The following NAALADL2 variants were observed in gnomAD, a reference collection of about 807,000 sequenced individuals.
NAALADL2 encodes N-acetylated alpha-linked acidic dipeptidase like 2.
A neutral mutation model predicts 87.2 loss-of-function variants in NAALADL2; 76 were observed. The ratio of observed to expected loss-of-function variants is 0.87; its 90% CI spans 0.72 to 1.05. NAALADL2 has a LOEUF of 1.05. Among genes scored for constraint, NAALADL2 ranks in the 50% least tolerant of loss-of-function variants. The pLI is 0.00. For synonymous variants in NAALADL2, 354 were observed against 331.0 expected (o/e 1.07, Z -0.75); for missense variants, 1,089 against 945.8 (o/e 1.15, Z -1.99).
chr3:174,771,105 T>C (rs928241407), intron 3 of NAALADL2, among the ~76,000 whole-genome samples: 1 of 152,210 alleles, frequency 6.6e-6, no homozygotes, highest in African/African-American at 2.4e-5. Flanking sequence ...TGTCTATTTC[T>C]ATTACTTTGA....
At chr3:175,496,334 CTATTA>C (rs1244500948) in intron 9 of NAALADL2, among the ~76,000 whole-genome samples, 3 of 151,554 alleles carry the variant, frequency 2.0e-5, no homozygotes, top group South Asian at 2.1e-4. Flanking sequence ...AATTTATATT[CTATTA>C]TATCTTTAAA....
At chr3:175,012,967 G>GTGTATATA (rs1553916621) in intron 1 of NAALADL2, among the ~76,000 whole-genome samples, 61 of 126,988 alleles carry the variant, frequency 4.8e-4, no homozygotes, top group African/African-American at 1.9e-3. Flanking sequence ...AGATGTGTGT[G>GTGTATATA]TATATATATA....
chr3:175,772,335 A>G (rs1007943357), intron 13 of NAALADL2, among the ~76,000 whole-genome samples: 1 of 152,088 alleles, frequency 6.6e-6, no homozygotes, highest in East Asian at 1.9e-4. Flanking sequence ...GGACTCTACA[A>G]ACTGCATTTT....
chr3:175,279,196 C>T (rs903544964), intron 4 of NAALADL2, among the ~76,000 whole-genome samples: 4 of 152,194 alleles, frequency 2.6e-5, no homozygotes, highest in Admixed American at 2.6e-4. Context: ...AACTCTCAAT[C>T]TTGGATTCAT....
At chr3:175,677,736 T>G (rs1735011905) in intron 11 of NAALADL2, among the ~76,000 whole-genome samples, 1 of 152,152 alleles carries the variant, frequency 6.6e-6, no homozygotes, top group Non-Finnish European at 1.5e-5. Context: ...AGTTGCCTTG[T>G]GTATATATTT....
intron 7 of NAALADL2, among the ~76,000 whole-genome samples, chr3:175,466,047 T>C (rs768247768): frequency 6.6e-6 from 1 of 152,216 alleles, no homozygotes; most frequent in Non-Finnish European, 1.5e-5. Flanking sequence ...CATCGAAAGT[T>C]GAAATAAGCT....
At chr3:175,616,660 G>A in intron 10 of NAALADL2, among the ~76,000 whole-genome samples, 1 of 152,180 alleles carries the variant, frequency 6.6e-6, no homozygotes, top group African/African-American at 2.4e-5. Context: ...CCCTGGGCTT[G>A]CTCCACCTGC....
chr3:175,728,772 G>T (rs369498654), intron 11 of NAALADL2, among the ~76,000 whole-genome samples: 1 of 152,126 alleles, frequency 6.6e-6, no homozygotes, highest in Non-Finnish European at 1.5e-5. Context: ...ACTCCCTGCA[G>T]ATCACTGAAT....
At chr3:174,849,474 C>T (rs570145503) in intron 3 of NAALADL2, among the ~76,000 whole-genome samples, 8 of 152,114 alleles carry the variant, frequency 5.3e-5, no homozygotes, top group Admixed American at 3.9e-4. Flanking sequence ...CGGTGACTCA[C>T]GCCTGTAATC....
intron 5 of NAALADL2, among the ~76,000 whole-genome samples, chr3:175,432,353 C>T (rs1717900722): frequency 1.3e-5 from 2 of 151,916 alleles, no homozygotes; most frequent in African/African-American, 2.4e-5. Context: ...AGTTCTCTTC[C>T]TTCTGCATAT....
At chr3:175,441,963 A>T (rs1259503275) in intron 5 of NAALADL2, among the ~76,000 whole-genome samples, 1 of 151,794 alleles carries the variant, frequency 6.6e-6, no homozygotes, top group Non-Finnish European at 1.5e-5. Context: ...TTTTTTTGAG[A>T]TGGAGTCTCG....
intron 2 of NAALADL2, among the ~76,000 whole-genome samples, chr3:175,229,428 C>T (rs890741186): frequency 2.6e-5 from 4 of 151,964 alleles, no homozygotes; most frequent in African/African-American, 9.7e-5. Flanking sequence ...TTTATGTTAA[C>T]ATTGACCAAA....
chr3:175,399,234 C>A (rs1443379397), intron 5 of NAALADL2, among the ~76,000 whole-genome samples: 1 of 151,890 alleles, frequency 6.6e-6, no homozygotes, highest in Non-Finnish European at 1.5e-5. Flanking sequence ...ATTAGGAATG[C>A]CTTTGTTCTC....
At chr3:175,796,967 T>C (rs1277965847) in intron 13 of NAALADL2, among the ~76,000 whole-genome samples, 3 of 152,148 alleles carry the variant, frequency 2.0e-5, no homozygotes, top group Non-Finnish European at 4.4e-5. Context: ...CAGTTTTCTT[T>C]TGCTTTAGTT....
chr3:174,598,168 A>C (rs1041130991), intron 2 of NAALADL2, among the ~76,000 whole-genome samples: 1 of 152,196 alleles, frequency 6.6e-6, no homozygotes, highest in African/African-American at 2.4e-5. Flanking sequence ...TAGTTTTCTT[A>C]GTAGCCATTG....
At chr3:175,087,684 T>A (rs1169140545) in intron 1 of NAALADL2, among the ~76,000 whole-genome samples, 1 of 152,100 alleles carries the variant, frequency 6.6e-6, no homozygotes, top group Non-Finnish European at 1.5e-5. Context: ...CAAGATGTGC[T>A]TTGTTAAACA....
At chr3:174,559,215 C>A (rs1025019635) in intron 2 of NAALADL2, among the ~76,000 whole-genome samples, 2 of 152,102 alleles carry the variant, frequency 1.3e-5, no homozygotes, top group Non-Finnish European at 2.9e-5. Flanking sequence ...AAAAGGCTGA[C>A]AAATCTAGTT....
chr3:174,997,926 T>C (rs1747736355), intron 1 of NAALADL2, among the ~76,000 whole-genome samples: 2 of 151,886 alleles, frequency 1.3e-5, no homozygotes, highest in Non-Finnish European at 2.9e-5. Context: ...ACAAAAAAGA[T>C]TGGTGACAAC....
At chr3:175,799,211 CAT>C (rs141998412) in intron 13 of NAALADL2, among the ~76,000 whole-genome samples, 5,651 of 151,756 alleles carry the variant, frequency 0.037, 368 homozygotes, top group African/African-American at 0.13. Context: ...ACATGAAACT[CAT>C]AAAGTGAAGG....
Sources: allele counts gnomAD v4.1 joint callset (sites outside exome capture counted in the v4.1 genomes callset), GRCh38; gene constraint gnomAD v4.1.1; transcripts MANE v1.5; gene names NCBI Gene and HGNC (gene_info 2026-07-23, HGNC 2026-07-21).